MAST4: variants seen among roughly 807,000 people sequenced by gnomAD.
MAST4 encodes microtubule associated serine/threonine kinase family member 4.
Under a neutral mutation model 162.7 loss-of-function variants are expected in MAST4, and 89 were observed. The ratio of observed to expected loss-of-function variants is 0.55; its 90% CI spans 0.46 to 0.65. The LOEUF (loss-of-function observed/expected upper bound fraction) is 0.65, where lower values mean the gene tolerates loss of function less well. MAST4 is among the 30% of genes least tolerant of loss of function. The pLI, the probability that MAST4 is intolerant of heterozygous loss-of-function variation, is 0.00. For synonymous variants in MAST4, 1,479 were observed against 1,361.1 expected, an observed-to-expected ratio of 1.09 and a Z score of -1.91; for missense variants, 3,153 against 3,374.0, an observed-to-expected ratio of 0.93 and a Z score of 1.62.
chr5:67,091,377 A>T (rs1763851729), intron 6 of MAST4, among the ~76,000 whole-genome samples: 1 of 152,216 alleles, frequency 6.6e-6, no homozygotes, highest in Non-Finnish European at 1.5e-5. Context: ...TGGGGACAAT[A>T]CAAGAGTGAT....
chr5:66,950,810 T>G (rs1744589002), intron 4 of MAST4, among the ~76,000 whole-genome samples: 1 of 152,162 alleles, frequency 6.6e-6, no homozygotes, highest in Admixed American at 6.5e-5. Context: ...GAAGTGGAAT[T>G]GCCAGATCAT....
At chr5:66,830,046 CCTCTATAAAGTT>C (rs1277023241) in intron 3 of MAST4, among the ~76,000 whole-genome samples, 1 of 152,056 alleles carries the variant, frequency 6.6e-6, no homozygotes, top group African/African-American at 2.4e-5. Context: ...GTTTTCATCA[CCTCTATAAAGTT>C]CTGGTAATGC....
chr5:67,162,909 G>A, intron 28 of MAST4, 121 bp downstream of exon 28: 1 of 1,143,518 alleles, frequency 8.7e-7, no homozygotes, highest in Non-Finnish European at 1.2e-6. Context: ...AAATTATAAA[G>A]ACAGATTTAT....
chr5:66,805,295 G>C (rs953889904), intron 3 of MAST4, among the ~76,000 whole-genome samples: 5 of 152,094 alleles, frequency 3.3e-5, no homozygotes, highest in African/African-American at 1.2e-4. Context: ...TTACAGATCT[G>C]TTTCTTGACT....
chr5:67,031,376 A>G (rs531631348), intron 4 of MAST4, among the ~76,000 whole-genome samples: 4 of 152,234 alleles, frequency 2.6e-5, no homozygotes, highest in Middle Eastern at 3.4e-3. Context: ...AGTTCTGTCT[A>G]GGGACTGAGG....
At chr5:67,158,116 TA>T (rs142043463) in intron 26 of MAST4, among the ~76,000 whole-genome samples, 1,862 of 152,270 alleles carry the variant, frequency 0.012, 46 homozygotes, top group African/African-American at 0.043. Flanking sequence ...CAGGAAATAC[TA>T]AAATTTCAGC....
intron 7 of MAST4, among the ~76,000 whole-genome samples, chr5:67,097,103 A>G (rs1185715945): frequency 2.0e-5 from 3 of 152,142 alleles, no homozygotes; most frequent in Admixed American, 6.5e-5. Context: ...TAACTTGGAC[A>G]TAGAAGTCTC....
At chr5:67,029,673 A>T (rs1221166020) in intron 4 of MAST4, among the ~76,000 whole-genome samples, 8 of 152,166 alleles carry the variant, frequency 5.3e-5, no homozygotes, top group African/African-American at 1.9e-4. Flanking sequence ...ATAAGAACAA[A>T]AAGTGTTTGC....
chr5:66,929,897 C>G (rs748316780), intron 4 of MAST4, among the ~76,000 whole-genome samples: 1 of 152,296 alleles, frequency 6.6e-6, no homozygotes, highest in Non-Finnish European at 1.5e-5. Flanking sequence ...ACCACCCCTG[C>G]TTCTGAACTT....
At position 67,165,159 on chromosome 5, in the gene MAST4, A is replaced by T. The variant is rs564655462; in HGVS notation, c.5980A>T (p.Arg1994Ter). The T allele has an allele frequency of 6.3e-7, 1 of 1,599,228 alleles. No homozygotes were observed. Among genetic ancestry groups the T allele is most frequent in the African/African-American group, 1.3e-5 (1 of 74,652 alleles). The change falls in exon 29 of 29, where the codon AGA becomes TGA. Residue 1994 changes from arginine to a stop codon, truncating the protein, a stop_gained. Transcript: ENST00000403625. LOFTEE classifies it low-confidence loss of function (END_TRUNC). ...ERSAARADTC[R>*]EPSMELCFPE... Reference sequence around the variant, plus strand: ...CTCTGCTGCGAGGGCTGACACATGCAGAGAGCCCTCCATGGAACTGTGCTT... The same window carrying T: ...CTCTGCTGCGAGGGCTGACACATGCTGAGAGCCCTCCATGGAACTGTGCTT...
At chr5:67,131,534 A>G (rs1171418809) in intron 15 of MAST4, among the ~76,000 whole-genome samples, 4 of 152,158 alleles carry the variant, frequency 2.6e-5, no homozygotes, top group Non-Finnish European at 5.9e-5. Context: ...AATTGTTACC[A>G]TGATCCTAAA....
rs563700849 is a variant in MAST4 at position 66,860,681 on chromosome 5, A to G, written c.643-39270A>G. ...CCTTCCAAACACTTCCTGTGCTTCTATCTTTCTGTCATCTGCCCTTATTCT... is the reference window on the plus strand; with the variant it reads ...CCTTCCAAACACTTCCTGTGCTTCTGTCTTTCTGTCATCTGCCCTTATTCT... On this transcript the variant is annotated intron_variant, in intron 3 of 28. Transcript: ENST00000403625. Among the ~76,000 whole-genome samples the G allele has an allele frequency of 3.3e-4, 48 of 145,408 alleles. No homozygotes were observed. The South Asian group carries it at 9.9e-3, about 30-fold the overall frequency.
At chr5:66,838,706 A>G (rs894659205) in intron 3 of MAST4, among the ~76,000 whole-genome samples, 3 of 152,192 alleles carry the variant, frequency 2.0e-5, no homozygotes, top group African/African-American at 4.8e-5. Context: ...ATGAACAGGT[A>G]CTGATTAGGC....
chr5:66,648,407 C>T (rs902106606), intron 1 of MAST4, among the ~76,000 whole-genome samples: 6 of 151,982 alleles, frequency 3.9e-5, no homozygotes, highest in Admixed American at 2.0e-4. Context: ...TAAAACAGGG[C>T]GCCTGTGTTA....
At chr5:66,794,517 G>T (rs957836012) in intron 3 of MAST4, among the ~76,000 whole-genome samples, 2 of 152,164 alleles carry the variant, frequency 1.3e-5, no homozygotes, top group African/African-American at 4.8e-5. Context: ...AGGTGGGATG[G>T]TATTATCCAG....
intron 3 of MAST4, among the ~76,000 whole-genome samples, chr5:66,845,120 TATATATAC>T (rs1295229672): frequency 2.4e-5 from 3 of 125,220 alleles, no homozygotes; most frequent in African/African-American, 6.6e-5. Context: ...TATATATATA[TATATATAC>T]ACACACACAC....
intron 1 of MAST4, among the ~76,000 whole-genome samples, chr5:66,720,922 C>T (rs1274226889): frequency 6.6e-6 from 1 of 152,238 alleles, no homozygotes; most frequent in Non-Finnish European, 1.5e-5. Context: ...CAGAAGAGAG[C>T]GTCCAGAGAC....
At chr5:66,770,161 GGT>G (rs1303196776) in intron 2 of MAST4, among the ~76,000 whole-genome samples, 1 of 152,146 alleles carries the variant, frequency 6.6e-6, no homozygotes, top group East Asian at 1.9e-4. Context: ...TCTTCTTCCC[GGT>G]GACAATGCAT....
chr5:66,979,259 A>T (rs1309629908), intron 4 of MAST4, among the ~76,000 whole-genome samples: 1 of 152,180 alleles, frequency 6.6e-6, no homozygotes, highest in African/African-American at 2.4e-5. Flanking sequence ...TATAATGTAG[A>T]TGAAGGTGTA....
Sources: allele counts gnomAD v4.1 joint callset (sites outside exome capture counted in the v4.1 genomes callset), GRCh38; gene constraint gnomAD v4.1.1; transcripts MANE v1.5; gene names NCBI Gene and HGNC (gene_info 2026-07-23, HGNC 2026-07-21).